Variants in TC2N observed in about 807,000 individuals in gnomAD.
TC2N encodes the protein tandem C2 domains, nuclear, also known as tandem C2 domains nuclear protein.
Under a neutral mutation model 61.9 loss-of-function variants are expected in TC2N, and 51 were observed. The ratio of observed to expected loss-of-function variants is 0.82; its 90% CI spans 0.66 to 1.04. TC2N has a LOEUF of 1.04. Ranked by LOEUF, TC2N falls within the 50% of genes least tolerant of loss-of-function variation. The pLI, the probability that TC2N is intolerant of heterozygous loss-of-function variation, is 0.00. For synonymous variants in TC2N, 204 were observed against 192.6 expected (o/e 1.06, Z -0.49); for missense variants, 556 against 566.7 (o/e 0.98, Z 0.19).
chr14:91,849,736 T>C (rs1247311665), intron 1 of TC2N, among the ~76,000 whole-genome samples: 3 of 152,194 alleles, frequency 2.0e-5, no homozygotes, highest in Admixed American at 2.0e-4. Context: ...CTCTGAGTAT[T>C]TGTTTATGGC....
chr14:91,839,700 T>C (rs896918853), intron 1 of TC2N, among the ~76,000 whole-genome samples: 1 of 152,230 alleles, frequency 6.6e-6, no homozygotes, highest in Non-Finnish European at 1.5e-5. Context: ...AGATTTTTGC[T>C]TCTCTCAAAA....
chr14:91,809,748 A>G (rs1373888523), intron 3 of TC2N, among the ~76,000 whole-genome samples: 1 of 152,190 alleles, frequency 6.6e-6, no homozygotes, highest in Admixed American at 6.5e-5. Context: ...AGCTGCAGGA[A>G]AGTAAGGTGG....
At chr14:91,861,262 C>T (rs1252119689) in intron 1 of TC2N, among the ~76,000 whole-genome samples, 2 of 152,156 alleles carry the variant, frequency 1.3e-5, no homozygotes, top group African/African-American at 2.4e-5. Context: ...TAAGTTGATA[C>T]AGATACTTTC....
At position 91,814,983 on chromosome 14, in the gene TC2N, AAAG is replaced by A. The variant is rs372892846; in HGVS notation, c.-56-1161_-56-1159del. ...ATACAATTTGTTCAATTTGAAAAGT[AAAG>A]AAAAAGCATATTTAAAAAAAAGTAA... On this transcript the variant is annotated intron_variant, in intron 1 of 11. Transcript: ENST00000435962. Among the ~76,000 whole-genome samples the A allele has an allele frequency of 1.5e-4, 23 of 151,818 alleles. 1 individual carries two copies. In the East Asian group the frequency reaches 4.4e-3, roughly 29 times the overall value.
intron 1 of TC2N, among the ~76,000 whole-genome samples, chr14:91,836,988 C>A (rs961717697): frequency 6.6e-6 from 1 of 152,162 alleles, no homozygotes; most frequent in East Asian, 1.9e-4. Flanking sequence ...TGAGGATCAG[C>A]CCTGCTCTCT....
chr14:91,792,403 A>C lies in TC2N; in HGVS notation c.1011T>G (p.Asp337Glu), dbSNP rs761435392. 1.2e-6 allele frequency: 2 copies of C among 1,605,804 alleles called. No individual in the cohort carries two copies. The highest frequency in any genetic ancestry group is 3.4e-5 in the Admixed American group (2 of 59,458). The change falls in exon 9 of 12, where the codon GAT (aspartate) becomes GAG (glutamate). Residue 337 changes from aspartate (D) to glutamate (E), a missense_variant. Transcript: ENST00000435962. ...SLRTLSTQEM[D>E]YSLDITPPSK... ...AAGGTGGTGTTATATCCAAAGAGTAATCCATTTCCTGTGTGCTAAGGGTTC... is the reference window on the plus strand; with the variant it reads ...AAGGTGGTGTTATATCCAAAGAGTACTCCATTTCCTGTGTGCTAAGGGTTC...
intron 1 of TC2N, among the ~76,000 whole-genome samples, chr14:91,850,583 C>G (rs1254188702): frequency 6.6e-6 from 1 of 152,226 alleles, no homozygotes; most frequent in Non-Finnish European, 1.5e-5. Context: ...CATAGGAGCA[C>G]AAACCTTACT....
chr14:91,855,177 G>A (rs1261865435), intron 1 of TC2N, among the ~76,000 whole-genome samples: 2 of 152,148 alleles, frequency 1.3e-5, no homozygotes, highest in African/African-American at 2.4e-5. Flanking sequence ...AAGCAGGTTC[G>A]CTTCTGTCCC....
At chr14:91,842,149 G>A (rs1888175202) in intron 1 of TC2N, among the ~76,000 whole-genome samples, 1 of 151,862 alleles carries the variant, frequency 6.6e-6, no homozygotes, top group African/African-American at 2.4e-5. Flanking sequence ...TGTAGAGACA[G>A]GTTTTTACCA....
At chr14:91,822,869 C>T (rs895996802) in intron 1 of TC2N, among the ~76,000 whole-genome samples, 71 of 152,028 alleles carry the variant, frequency 4.7e-4, no homozygotes, top group African/African-American at 1.7e-3. Flanking sequence ...TGCCCACCAC[C>T]ACGCATGGCT....
At chr14:91,792,836 T>G (rs571790436) in intron 8 of TC2N, among the ~76,000 whole-genome samples, 204 of 152,324 alleles carry the variant, frequency 1.3e-3, no homozygotes, top group African/African-American at 4.7e-3. Context: ...TTTCCCTTTT[T>G]GAAAATTAAT....
At chr14:91,836,217 A>G (rs10136618) in intron 1 of TC2N, 144,948 of 152,422 alleles carry the variant, frequency 0.95, 69,384 homozygotes, top group East Asian at 1. Flanking sequence ...CCTCACAGGC[A>G]CCCCCCACAG....
chr14:91,821,177 T>C (rs1299687118), intron 1 of TC2N, among the ~76,000 whole-genome samples: 1 of 151,382 alleles, frequency 6.6e-6, no homozygotes, highest in African/African-American at 2.4e-5. Context: ...CAAAACAATC[T>C]TGGGGAAAAA....
chr14:91,855,195 A>G (rs1053700131), intron 1 of TC2N, among the ~76,000 whole-genome samples: 3 of 152,270 alleles, frequency 2.0e-5, no homozygotes, highest in Middle Eastern at 6.8e-3. Context: ...CCCACCTTCC[A>G]CTCCCAAATC....
intron 1 of TC2N, among the ~76,000 whole-genome samples, chr14:91,851,883 C>T (rs964136776): frequency 6.6e-6 from 1 of 152,108 alleles, no homozygotes; most frequent in African/African-American, 2.4e-5. Flanking sequence ...TTTTTAGCAT[C>T]CATCAAAATA....
In TC2N at chr14:91,797,882, G is replaced by T. The variant is rs776318371; in HGVS notation, c.758C>A (p.Pro253His). ...AGTAGGAGTGTCTCCATAACTAGAG[G>T]GCCAACTTAAATCTCTGCACTAAAA... Reference protein sequence around the residue: ...TVLQCRDLSWPSSYGDTPTVS... With the variant: ...TVLQCRDLSWHSSYGDTPTVS... The change falls in exon 8 of 12, where the codon CCC (proline) becomes CAC (histidine). Residue 253 changes from proline to histidine, a missense_variant. Physicochemically the swap from Pro to His is moderately conservative, Grantham distance 77. Coordinates refer to ENST00000435962, the MANE Select transcript of TC2N (RefSeq NM_001128596.3). The T allele has an allele frequency of 3.1e-6, 5 of 1,599,380 alleles. No homozygotes were observed. The highest frequency in any genetic ancestry group is 4.3e-6 in the Non-Finnish European group (5 of 1,170,886).
chr14:91,808,359 CT>C (rs1369872990), intron 3 of TC2N, among the ~76,000 whole-genome samples: 2 of 152,212 alleles, frequency 1.3e-5, no homozygotes, highest in East Asian at 3.9e-4. Context: ...GTGTAAGTGC[CT>C]CTACACTGTC....
intron 3 of TC2N, 108 bp from the exon 4 acceptor site, chr14:91,802,529 T>C: frequency 1.1e-6 from 1 of 910,480 alleles, no homozygotes. Flanking sequence ...CAAGTAATAC[T>C]AAATCACATG....
intron 4 of TC2N, among the ~76,000 whole-genome samples, chr14:91,801,070 ATGTG>A (rs68081909): frequency 2.5e-5 from 3 of 121,814 alleles, no homozygotes; most frequent in African/African-American, 5.8e-5. Flanking sequence ...ATACATATAT[ATGTG>A]TGTGTGTATA....
Sources: gnomAD v4.1 joint callset for allele counts (sites outside exome capture counted in the v4.1 genomes callset) on GRCh38, gnomAD v4.1.1 for gene constraint, MANE v1.5 for transcripts, NCBI Gene and HGNC (gene_info 2026-07-23, HGNC 2026-07-21) for gene names.